Variants in AMY2A observed in about 807,000 individuals in gnomAD.
AMY2A encodes the protein pancreatic alpha-amylase.
In AMY2A, 16 loss-of-function variants were observed where a neutral mutation model predicts 43.0. The ratio of observed to expected loss-of-function variants is 0.37; its 90% CI spans 0.25 to 0.56. The LOEUF (loss-of-function observed/expected upper bound fraction) is 0.56, where lower values mean the gene tolerates loss of function less well. Ranked by LOEUF, AMY2A falls within the 20% of genes least tolerant of loss-of-function variation. The pLI, the probability that AMY2A is intolerant of heterozygous loss-of-function variation, is 0.77. For missense variants in AMY2A, 212 were observed against 456.8 expected, an observed-to-expected ratio of 0.46 and a Z score of 4.89; for synonymous variants, 70 against 144.6, an observed-to-expected ratio of 0.48 and a Z score of 3.70.
rs1653112641 is a variant in AMY2A at position 103,617,557 on chromosome 1, T to A, written c.117T>A (p.Ile39=). 1 of 1,600,862 alleles carries A rather than the reference T, an allele frequency of 6.2e-7. No individual in the cohort carries two copies. The highest frequency in any genetic ancestry group is 1.3e-5 in the African/African-American group (1 of 74,644). ...TGTTTGAATGGCGATGGGTTGATATTGCTCTTGAATGTGAGCGATATTTAG... is the reference window on the plus strand; with the variant it reads ...TGTTTGAATGGCGATGGGTTGATATAGCTCTTGAATGTGAGCGATATTTAG... The part of the protein sequence containing the change: ...VHLFEWRWVD[I]ALECERYLAP... Residue 39 remains isoleucine (I), a synonymous_variant, in exon 1 of 10, where the codon ATT becomes ATA. Coordinates refer to ENST00000414303, the MANE Select transcript of AMY2A (RefSeq NM_000699.4).
In AMY2A at chr1:103,617,549, G is replaced by A; in HGVS notation, c.109G>A (p.Val37Ile). ...TGTTCATCTGTTTGAATGGCGATGG[G>A]TTGATATTGCTCTTGAATGTGAGCG... ...SIVHLFEWRW[V>I]DIALECERYL... Residue 37 changes from valine (V) to isoleucine (I), a missense_variant, in exon 1 of 10, where the codon GTT (valine) becomes ATT (isoleucine). Val to Ile is a conservative substitution (Grantham distance 29). Around this residue, in one of 2 missense-constraint regions of AMY2A, gnomAD observed 199 missense variants for 210.6 expected, o/e 0.94. Transcript: ENST00000414303. 6.2e-7 allele frequency: 1 copy of A among 1,600,914 alleles called. No individual in the cohort carries two copies. Among genetic ancestry groups the A allele is most frequent in the East Asian group, 2.2e-5 (1 of 44,854 alleles).
At chr1:103,617,854 A>G in intron 1 of AMY2A, 100 bp from the exon 2 acceptor site, 1 of 1,571,742 alleles carries the variant, frequency 6.4e-7, no homozygotes, top group Non-Finnish European at 8.6e-7. Flanking sequence ...TGCCTATACC[A>G]AGATTCAAGA....
At chr1:103,618,380 A>T (rs946877061) in intron 2 of AMY2A, among the ~76,000 whole-genome samples, 1 of 150,736 alleles carries the variant, frequency 6.6e-6, no homozygotes, top group East Asian at 1.9e-4. Flanking sequence ...TCCCGGAAAC[A>T]ATTTACTGGT....
Position 103,619,826 on chromosome 1 carries a change from G to T in AMY2A, c.744+42G>T. The T allele has an allele frequency of 5.6e-6, 9 of 1,596,296 alleles. No individual in the cohort carries two copies. In the Admixed American group the frequency reaches 6.8e-5, roughly 12 times the overall value. Reference sequence around the variant, plus strand: ...ATGCCTATAAAATATCATCTTATTCGTTAGAAAATTAATGGAAGATTTAAT... The same window carrying T: ...ATGCCTATAAAATATCATCTTATTCTTTAGAAAATTAATGGAAGATTTAAT... On this transcript the variant is annotated intron_variant, in intron 4 of 9. Coordinates refer to ENST00000414303, the MANE Select transcript of AMY2A (RefSeq NM_000699.4).
chr1:103,617,430 T>A lies in AMY2A; in HGVS notation c.-11T>A. The A allele has an allele frequency of 1.3e-6, 2 of 1,598,792 alleles. No homozygotes were observed. The highest frequency in any genetic ancestry group is 1.7e-6 in the Non-Finnish European group (2 of 1,169,098). On this transcript the variant is annotated 5_prime_UTR_variant, in exon 1 of 10. Transcript: ENST00000414303. ...AGTTTCTGGAAAGGACACTGACAAC[T>A]TCAAAGCAAAATGAAGTTCTTTCTG... is the stretch of plus-strand genomic sequence containing the variant.
rs1210342629 is a variant in AMY2A at position 103,619,150 on chromosome 1, A to G, written c.513+42A>G. 2.5e-5 allele frequency: 17 copies of G among 668,446 alleles called. No individual in the cohort carries two copies. In the African/African-American group the frequency reaches 3.0e-4, roughly 12 times the overall value. 41.4% of individuals were successfully genotyped at this position (668,446 alleles called of 1,614,324 possible). On this transcript the variant is annotated intron_variant, in intron 3 of 9. Coordinates refer to ENST00000414303, the MANE Select transcript of AMY2A (RefSeq NM_000699.4). Reference sequence around the variant, plus strand: ...AGTGATCTGAATAAAAGAGTAATATATGCCTTTTCTTGTAGACATGTAGCT... The same window carrying G: ...AGTGATCTGAATAAAAGAGTAATATGTGCCTTTTCTTGTAGACATGTAGCT...
chr1:103,618,426 A>G (rs1166818886), intron 2 of AMY2A, among the ~76,000 whole-genome samples: 2 of 150,662 alleles, frequency 1.3e-5, no homozygotes, highest in African/African-American at 4.8e-5. Flanking sequence ...GTTTGCTATC[A>G]TTTTTAGGTG....
rs137872919 is a variant in AMY2A, at chr1:103,618,382, T to C, written c.315+282T>C. 9.0e-4 allele frequency among the ~76,000 whole-genome samples: 136 copies of C among 150,854 alleles called. 4 individuals carry two copies. The highest frequency in any genetic ancestry group is 3.2e-3 in the African/African-American group (132 of 41,418). ...AACTGTTCGTATTTCCCGGAAACAA[T>C]TTACTGGTTAGGAAGTATAATTCCA... is the stretch of plus-strand genomic sequence containing the variant. On this transcript the variant is annotated intron_variant, in intron 2 of 9. Transcript: ENST00000414303.
rs188900264 is a variant in AMY2A at position 103,618,442 on chromosome 1, T to G, written c.315+342T>G. Among the ~76,000 whole-genome samples, 7 of 150,906 alleles carry G rather than the reference T, an allele frequency of 4.6e-5. 1 individual carries two copies. Among genetic ancestry groups the G allele is most frequent in the Admixed American group, 2.6e-4 (4 of 15,106 alleles). On this transcript the variant is annotated intron_variant, in intron 2 of 9. Coordinates refer to ENST00000414303, the MANE Select transcript of AMY2A (RefSeq NM_000699.4). ...TTTGCTATCATTTTTAGGTGACTTG[T>G]GTCTCCATCCGTAATTCTTGGGTTT...
At chr1:103,617,694 C>T (rs1164500615) in intron 1 of AMY2A, 86 bp downstream of exon 1, 22 of 1,593,804 alleles carry the variant, frequency 1.4e-5, no homozygotes, top group Non-Finnish European at 1.9e-5. Context: ...GCTTGGGCAA[C>T]ATTTTACTTC....
chr1:103,617,327 G>T (rs1653103895), upstream of AMY2A: 3 of 1,540,398 alleles, frequency 1.9e-6, no homozygotes, highest in South Asian at 1.2e-5. Context: ...TTCAGATTAT[G>T]AATAAACAGT....
intron 2 of AMY2A, 144 bp downstream of exon 2, chr1:103,618,244 T>C: frequency 1.5e-6 from 2 of 1,346,922 alleles, no homozygotes; most frequent in African/African-American, 1.5e-5. Context: ...ATTAACTGTT[T>C]ATTTATGTTC....
In AMY2A at chr1:103,623,860, C is replaced by G. The variant is rs1363657984; in HGVS notation, c.1102-6C>G. 6.2e-7 allele frequency: 1 copy of G among 1,607,984 alleles called. No homozygotes were observed. Among genetic ancestry groups the G allele is most frequent in the Non-Finnish European group, 8.5e-7 (1 of 1,177,480 alleles). ...GTAAAATTTGGCTTTTTCCCCCCTA[C>G]TTAAGGATGTTAATGATTGGGTTGG... On this transcript the variant is annotated splice_region_variant and splice_polypyrimidine_tract_variant and intron_variant, in intron 7 of 9. Coordinates refer to ENST00000414303, the MANE Select transcript of AMY2A (RefSeq NM_000699.4).
At chr1:103,617,892 G>T (rs1653122787) in intron 1 of AMY2A, 62 bp from the exon 2 acceptor site, 1 of 1,596,078 alleles carries the variant, frequency 6.3e-7, no homozygotes, top group African/African-American at 1.3e-5. Flanking sequence ...TTAGTTTCTA[G>T]AACATTCAAT....
chr1:103,618,704 A>C (rs538643519), intron 2 of AMY2A, among the ~76,000 whole-genome samples: 1 of 150,650 alleles, frequency 6.6e-6, no homozygotes, highest in Non-Finnish European at 1.5e-5. Context: ...ATTCCTATAA[A>C]TATTTGACCA....
chr1:103,616,968 A>G, upstream of AMY2A: 1 of 1,041,330 alleles, frequency 9.6e-7, no homozygotes, highest in Non-Finnish European at 1.2e-6. Context: ...TCCAAGCCAT[A>G]GGACCCAGTT....
rs763130583 is a variant in AMY2A at position 103,617,514 on chromosome 1, G to A, written c.74G>A (p.Arg25Gln). ...AQYSPNTQQG[R>Q]TSIVHLFEWR... ...TATTCCCCAAATACACAACAAGGAC[G>A]GACATCTATTGTTCATCTGTTTGAA... Residue 25 changes from arginine to glutamine, a missense_variant, in exon 1 of 10, where the codon CGG (arginine) becomes CAG (glutamine). Coordinates refer to ENST00000414303, the MANE Select transcript of AMY2A (RefSeq NM_000699.4). 2.5e-5 allele frequency: 40 copies of A among 1,600,598 alleles called. 2 individuals carry two copies. The highest frequency in any genetic ancestry group is 3.2e-5 in the Non-Finnish European group (38 of 1,170,778).
chr1:103,620,197 AT>A, intron 4 of AMY2A, among the ~76,000 whole-genome samples: 1 of 140,226 alleles, frequency 7.1e-6, no homozygotes, highest in African/African-American at 2.6e-5. Flanking sequence ...ACTTTATCAA[AT>A]AAAAGAATAT....
At chr1:103,618,652 A>C (rs1653147224) in intron 2 of AMY2A, among the ~76,000 whole-genome samples, 1 of 150,580 alleles carries the variant, frequency 6.6e-6, no homozygotes, top group Non-Finnish European at 1.5e-5. Context: ...GGCTTTTTGC[A>C]TTTCCTCCTA....
Sources: gnomAD v4.1 joint callset for allele counts (sites outside exome capture counted in the v4.1 genomes callset) on GRCh38, gnomAD v4.1.1 for gene constraint, gnomAD v4.1.1 regional missense constraint, MANE v1.5 for transcripts, NCBI Gene and HGNC (gene_info 2026-07-23, HGNC 2026-07-21) for gene names.